The following ZC4H2 variants were observed in gnomAD, a reference collection of about 807,000 sequenced individuals.
ZC4H2 encodes the protein zinc finger C4H2-type containing, also known as zinc finger C4H2 domain-containing protein.
For missense variants in ZC4H2, 137 were observed against 173.9 expected, an observed-to-expected ratio of 0.79 and a Z score of 1.19; for synonymous variants, 84 against 66.3, an observed-to-expected ratio of 1.27 and a Z score of -1.30.
At chrX:64,966,706 C>A (rs1931604642) in intron 1 of ZC4H2, among the ~76,000 whole-genome samples, 1 of 111,728 alleles carries the variant, frequency 9.0e-6, no homozygotes, top group South Asian at 3.7e-4. Context: ...ACCCAAAAGG[C>A]CACATTTGTA....
At position 64,917,060 on chromosome X, in the gene ZC4H2, G is replaced by C. The variant is rs1928966779; in HGVS notation, c.*723C>G. 2 of 111,748 alleles carry C rather than the reference G, an allele frequency of 1.8e-5. No individual in the cohort carries two copies. The highest frequency in any genetic ancestry group is 6.5e-5 in the African/African-American group (2 of 30,595). The allele number at this position is 111,748 out of a possible 1,213,427, so 9.2% of individuals were successfully genotyped here. A position where few individuals can be genotyped will look rare whatever the true frequency, so the allele number is the denominator to read the frequency against. On this transcript the variant is annotated 3_prime_UTR_variant, in exon 5 of 5. Transcript: ENST00000374839. The stretch of plus-strand genomic sequence containing the variant: ...TAGGCAGGAGATGTAGAGTTGGTCT[G>C]GCTCACTGATTTCACTGTGGAAATC...
chrX:64,951,072 T>A (rs1313524400), intron 1 of ZC4H2, among the ~76,000 whole-genome samples: 1 of 111,262 alleles, frequency 9.0e-6, no homozygotes, highest in Non-Finnish European at 1.9e-5. Context: ...TTTTTTGTCC[T>A]TGCGATAGTT....
intron 1 of ZC4H2, among the ~76,000 whole-genome samples, chrX:65,028,247 CATTCATTT>C (rs1262965604): frequency 1.8e-5 from 2 of 111,200 alleles, no homozygotes; most frequent in Non-Finnish European, 3.8e-5. Flanking sequence ...CAAATTCATC[CATTCATTT>C]ATTCAACAAA....
chrX:65,002,909 C>T (rs1932573360), intron 1 of ZC4H2, among the ~76,000 whole-genome samples: 2 of 109,230 alleles, frequency 1.8e-5, no homozygotes, highest in African/African-American at 6.7e-5. Flanking sequence ...TACCCAAGGA[C>T]ACAAACACTG....
chrX:65,027,782 C>A (rs1932894315), intron 1 of ZC4H2, among the ~76,000 whole-genome samples: 1 of 111,644 alleles, frequency 9.0e-6, no homozygotes, highest in South Asian at 3.8e-4. Context: ...TTTCATGTGT[C>A]CTTTATTCGC....
intron 1 of ZC4H2, among the ~76,000 whole-genome samples, chrX:64,928,763 CTTCTT>C (rs948396632): frequency 1.0e-5 from 1 of 98,364 alleles, no homozygotes; most frequent in Non-Finnish European, 2.0e-5. Flanking sequence ...TTCTTTTCTT[CTTCTT>C]TTCTTCTTCT....
At chrX:65,020,298 T>C (rs1185207516) in intron 1 of ZC4H2, among the ~76,000 whole-genome samples, 1 of 111,212 alleles carries the variant, frequency 9.0e-6, no homozygotes, top group Non-Finnish European at 1.9e-5. Context: ...AAAGGTCGGG[T>C]TACCTACAAA....
chrX:65,026,853 ATCTC>A (rs1267097585), intron 1 of ZC4H2, among the ~76,000 whole-genome samples: 1 of 112,420 alleles, frequency 8.9e-6, no homozygotes, highest in Non-Finnish European at 1.9e-5. Context: ...TCACTGCTGC[ATCTC>A]TCTGTGTTTC....
chrX:64,997,601 G>T (rs1336536304), intron 1 of ZC4H2, among the ~76,000 whole-genome samples: 1 of 112,522 alleles, frequency 8.9e-6, no homozygotes. Context: ...GTGGGGCAAA[G>T]ATATATAGTG....
At chrX:64,937,739 A>G (rs1930083065) in intron 1 of ZC4H2, among the ~76,000 whole-genome samples, 1 of 111,840 alleles carries the variant, frequency 8.9e-6, no homozygotes. Context: ...AACCAATGAG[A>G]ACAGAGATAC....
At chrX:64,964,128 C>G (rs746515880) in intron 1 of ZC4H2, among the ~76,000 whole-genome samples, 1 of 110,803 alleles carries the variant, frequency 9.0e-6, no homozygotes, top group South Asian at 3.8e-4. Context: ...CATTATGCTT[C>G]TAGTTAACAA....
chrX:65,023,713 C>G (rs1203738717), intron 1 of ZC4H2, among the ~76,000 whole-genome samples: 1 of 111,397 alleles, frequency 9.0e-6, no homozygotes, highest in East Asian at 2.8e-4. Flanking sequence ...CCTCAAGGAT[C>G]TAGAACTAGA....
chrX:65,031,984 T>C (rs1932938754), intron 1 of ZC4H2, among the ~76,000 whole-genome samples: 1 of 112,515 alleles, frequency 8.9e-6, no homozygotes, highest in Admixed American at 9.4e-5. Context: ...TATATGCATG[T>C]ACTCTGTTGT....
At chrX:65,001,655 G>C (rs765386316) in intron 1 of ZC4H2, among the ~76,000 whole-genome samples, 10 of 111,515 alleles carry the variant, frequency 9.0e-5, no homozygotes, top group Admixed American at 3.8e-4. Context: ...TGGCAAATTG[G>C]ATAAAAAGTT....
chrX:64,958,401 G>C (rs936729075), intron 1 of ZC4H2, among the ~76,000 whole-genome samples: 2 of 111,652 alleles, frequency 1.8e-5, no homozygotes, highest in African/African-American at 6.5e-5. Flanking sequence ...GTGTGTATTT[G>C]TGTGTGTGTA....
intron 1 of ZC4H2, among the ~76,000 whole-genome samples, chrX:65,026,123 C>A (rs1319484574): frequency 8.9e-6 from 1 of 111,883 alleles, no homozygotes; most frequent in Non-Finnish European, 1.9e-5. Context: ...CAAATATCAA[C>A]CCCACCCTTT....
chrX:64,976,559 T>C, upstream of ZC4H2: 1 of 457,343 alleles, frequency 2.2e-6, no homozygotes, highest in Non-Finnish European at 3.8e-6. Context: ...CGGGGGCCTG[T>C]AGGACTACAA....
chrX:64,952,783 A>G (rs1930922478), intron 1 of ZC4H2, among the ~76,000 whole-genome samples: 1 of 110,418 alleles, frequency 9.1e-6, no homozygotes, highest in Non-Finnish European at 1.9e-5. Context: ...CCATCAAGTT[A>G]CCAATGACTT....
upstream of ZC4H2, chrX:64,976,556 C>T (rs780599890): frequency 4.3e-6 from 2 of 460,962 alleles, no homozygotes; most frequent in Non-Finnish European, 7.5e-6. Flanking sequence ...GCCCGGGGGC[C>T]TGTAGGACTA....
Sources: allele counts gnomAD v4.1 joint callset (sites outside exome capture counted in the v4.1 genomes callset), GRCh38; gene constraint gnomAD v4.1.1; transcripts MANE v1.5; gene names NCBI Gene and HGNC (gene_info 2026-07-23, HGNC 2026-07-21).